The following LITAF variants were observed in gnomAD, a reference collection of about 807,000 sequenced individuals.
LITAF encodes the protein lipopolysaccharide induced TNF factor.
A neutral mutation model predicts 14.5 loss-of-function variants in LITAF; 9 were observed. The ratio of observed to expected loss-of-function variants is 0.62; its 90% CI spans 0.37 to 1.08. The LOEUF is 1.08. Ranked by LOEUF, LITAF falls within the 50% of genes least tolerant of loss-of-function variation. The pLI is 0.01. For missense variants in LITAF, 206 were observed against 213.4 expected, an observed-to-expected ratio of 0.97 and a Z score of 0.22; for synonymous variants, 98 against 88.2, an observed-to-expected ratio of 1.11 and a Z score of -0.62.
chr16:11,565,745 G>C (rs531244211), intron 1 of LITAF, among the ~76,000 whole-genome samples: 3 of 152,084 alleles, frequency 2.0e-5, no homozygotes, highest in Non-Finnish European at 4.4e-5. Flanking sequence ...TGCCTTGCTT[G>C]GATGTTCCCA....
At chr16:11,563,750 T>C (rs552686905) in intron 1 of LITAF, among the ~76,000 whole-genome samples, 1 of 152,106 alleles carries the variant, frequency 6.6e-6, no homozygotes, top group South Asian at 2.1e-4. Flanking sequence ...CCCTCTCATA[T>C]TGAGAAGAAA....
chr16:11,625,641 G>A lies in LITAF; in HGVS notation c.85+7892C>T, dbSNP rs369588955. ...ACCAAGTCTAAGACAGGCTTCTTAAGAAACCCTGAGTTCCCCTAGGTTGTG... is the reference window on the plus strand; with the variant it reads ...ACCAAGTCTAAGACAGGCTTCTTAAAAAACCCTGAGTTCCCCTAGGTTGTG... On this transcript the variant is annotated intron_variant, in intron 3 of 3. Coordinates refer to the LITAF transcript ENST00000574848. Among the ~76,000 whole-genome samples, 7 of 152,274 alleles carry A rather than the reference G, an allele frequency of 4.6e-5. No homozygotes were observed. The East Asian group carries it at 1.2e-3, about 25-fold the overall frequency.
chr16:11,550,429 T>C (rs1415340933), intron 3 of LITAF, among the ~76,000 whole-genome samples: 2 of 151,950 alleles, frequency 1.3e-5, no homozygotes, highest in African/African-American at 4.8e-5. Flanking sequence ...GCCTCTAGAA[T>C]TGTGAGAGTT....
Position 11,556,500 on chromosome 16 carries a change from G to C in LITAF, c.220+11C>G. The stretch of plus-strand genomic sequence containing the variant: ...AGGAATGGTAAGGGGGGCCTGGGAG[G>C]CCACACGTACTTGGATTGTTATTGG... On this transcript the variant is annotated intron_variant, in intron 2 of 3. Coordinates refer to ENST00000622633, the MANE Select transcript of LITAF (RefSeq NM_001136472.2). The C allele has an allele frequency of 3.7e-6, 6 of 1,607,734 alleles. No homozygotes were observed. Among genetic ancestry groups the C allele is most frequent in the Non-Finnish European group, 3.4e-6 (4 of 1,175,150 alleles).
chr16:11,548,809 C>G lies in LITAF; in HGVS notation c.*828G>C. On this transcript the variant is annotated 3_prime_UTR_variant, in exon 4 of 4. Coordinates refer to ENST00000622633, the MANE Select transcript of LITAF (RefSeq NM_001136472.2). The stretch of plus-strand genomic sequence containing the variant: ...TGGGCAACATAGTAAGACCCCATCT[C>G]TGTTTTTTTTTAAAAAAAAGAAATT... The G allele has an allele frequency of 2.2e-6, 1 of 453,196 alleles. No individual in the cohort carries two copies. The highest frequency in any genetic ancestry group is 4.4e-6 in the Non-Finnish European group (1 of 226,640). 28.1% of individuals were successfully genotyped at this position (453,196 alleles called of 1,614,324 possible).
chr16:11,637,823 A>G (rs376800318), upstream of LITAF, among the ~76,000 whole-genome samples: 10 of 148,530 alleles, frequency 6.7e-5, no homozygotes, highest in South Asian at 2.1e-4. Flanking sequence ...TGAGGCTTCA[A>G]TGAGCCATGA....
intron 3 of LITAF, among the ~76,000 whole-genome samples, chr16:11,627,792 C>T (rs1008412235): frequency 5.3e-5 from 8 of 152,102 alleles, no homozygotes; most frequent in African/African-American, 1.7e-4. Context: ...TGCAGTGAGC[C>T]GAGATTGTGC....
chr16:11,602,743 T>C (rs1053359916), upstream of LITAF, among the ~76,000 whole-genome samples: 1 of 146,924 alleles, frequency 6.8e-6, no homozygotes, highest in African/African-American at 2.5e-5. Context: ...AGATCTATTG[T>C]TCACTGTGGC....
In LITAF at chr16:11,549,489, G is replaced by C. The variant is rs778226160; in HGVS notation, c.*148C>G. On this transcript the variant is annotated 3_prime_UTR_variant, in exon 4 of 4. Coordinates refer to ENST00000622633, the MANE Select transcript of LITAF (RefSeq NM_001136472.2). The surrounding 1 kb of genome is among the most constrained non-coding windows in gnomAD (Gnocchi z 4.6). The stretch of plus-strand genomic sequence containing the variant: ...TGGGGTTTGGAGATTTGTTAGTTTT[G>C]CGACGTATTCCCCCCAAAAGAAGAC... 4.3e-6 allele frequency: 3 copies of C among 695,946 alleles called. No individual in the cohort carries two copies. The highest frequency in any genetic ancestry group is 5.2e-6 in the Non-Finnish European group (2 of 382,084). The allele number at this position is 695,946 out of a possible 1,614,324, so 43.1% of individuals were successfully genotyped here.
At chr16:11,587,548 T>C (rs1192609561), upstream of LITAF, 2 of 417,770 alleles carry the variant, frequency 4.8e-6, no homozygotes, top group Non-Finnish European at 9.7e-6. Context: ...ACTGGGAAGA[T>C]GGTAAAGTTT....
upstream of LITAF, among the ~76,000 whole-genome samples, chr16:11,638,252 C>G (rs139251258): frequency 1.1e-3 from 161 of 151,330 alleles, no homozygotes; most frequent in African/African-American, 3.5e-3. Context: ...AGTCCACTTC[C>G]CCATAGGTTT....
intron 3 of LITAF, among the ~76,000 whole-genome samples, chr16:11,633,125 AC>A (rs958814962): frequency 6.6e-5 from 10 of 152,152 alleles, no homozygotes; most frequent in African/African-American, 2.4e-4. Flanking sequence ...GGAACCAGAC[AC>A]ATCACGCTGG....
At chr16:11,584,667 C>T (rs1162153236) in intron 1 of LITAF, among the ~76,000 whole-genome samples, 1 of 152,132 alleles carries the variant, frequency 6.6e-6, no homozygotes, top group East Asian at 1.9e-4. Context: ...GCCTCCTTTC[C>T]ACTGTTCTCA....
At chr16:11,592,565 A>G (rs973958331) in intron 1 of LITAF, among the ~76,000 whole-genome samples, 1 of 132,044 alleles carries the variant, frequency 7.6e-6, no homozygotes, top group Non-Finnish European at 1.6e-5. Flanking sequence ...ACAGAGCAAG[A>G]CCCTGTCTCA....
At chr16:11,638,113 T>TAGATAG (rs1567271202), upstream of LITAF, among the ~76,000 whole-genome samples, 2 of 64,968 alleles carry the variant, frequency 3.1e-5, no homozygotes, top group African/African-American at 2.7e-4. Context: ...TATATATCTA[T>TAGATAG]CTATATAGAT....
upstream of LITAF, among the ~76,000 whole-genome samples, chr16:11,599,744 C>T (rs2064915900): frequency 6.6e-6 from 1 of 152,114 alleles, no homozygotes; most frequent in Admixed American, 6.6e-5. Flanking sequence ...TTCCACTCTG[C>T]TCACTCCACT....
chr16:11,618,761 G>A (rs2065032017), intron 3 of LITAF, among the ~76,000 whole-genome samples: 1 of 152,086 alleles, frequency 6.6e-6, no homozygotes, highest in Non-Finnish European at 1.5e-5. Context: ...GAGGCGGGCG[G>A]ATCACGAGGT....
At position 11,553,673 on chromosome 16, in the gene LITAF, G is replaced by C; in HGVS notation, c.237C>G (p.Val79=). The C allele has an allele frequency of 6.2e-7, 1 of 1,614,176 alleles. No homozygotes were observed. Among genetic ancestry groups the C allele is most frequent in the Non-Finnish European group, 8.5e-7 (1 of 1,180,020 alleles). ...AAAAGGTGATGGGGTGCTGCACGTA[G>C]ACCGTCTGCACGGTAACTGATGAAA... ...PNNNPITVQT[V]YVQHPITFLD... The change falls in exon 3 of 4, where the codon GTC becomes GTG. Residue 79 remains valine, a synonymous_variant. Transcript: ENST00000622633. The surrounding 1 kb of genome is among the most constrained non-coding windows in gnomAD (Gnocchi z 7.7).
At chr16:11,592,523 A>AGAGATCAGTG (rs2064853639) in intron 1 of LITAF, among the ~76,000 whole-genome samples, 2 of 151,856 alleles carry the variant, frequency 1.3e-5, no homozygotes, top group African/African-American at 4.8e-5. Flanking sequence ...TGCAGTGAGC[A>AGAGATCAGTG]GAGATCATGT....
Sources: gnomAD v4.1 joint callset for allele counts (sites outside exome capture counted in the v4.1 genomes callset) on GRCh38, gnomAD v4.1.1 for gene constraint, Gnocchi (gnomAD v3.1) non-coding constraint, MANE v1.5 for transcripts, NCBI Gene and HGNC (gene_info 2026-07-23, HGNC 2026-07-21) for gene names.